Variants in ANAPC5 observed in about 807,000 individuals in gnomAD.
ANAPC5 encodes the protein anaphase-promoting complex subunit 5.
In ANAPC5, 60 loss-of-function variants were observed where a neutral mutation model predicts 91.3. The ratio of observed to expected loss-of-function variants is 0.66; its 90% CI spans 0.53 to 0.81. The LOEUF (loss-of-function observed/expected upper bound fraction) is 0.81. Among genes scored for constraint, ANAPC5 ranks in the 40% least tolerant of loss-of-function variants. The pLI is 0.00. For synonymous variants in ANAPC5, 340 were observed against 364.1 expected, an observed-to-expected ratio of 0.93 and a Z score of 0.75; for missense variants, 690 against 931.5, an observed-to-expected ratio of 0.74 and a Z score of 3.37.
rs1383426321 is a variant in ANAPC5, at chr12:121,342,832, C to G, written c.591-763G>C. On this transcript the variant is annotated intron_variant, in intron 4 of 16. Coordinates refer to ENST00000261819, the MANE Select transcript of ANAPC5 (RefSeq NM_016237.5). The surrounding 1 kb of genome is among the most constrained non-coding windows in gnomAD (Gnocchi z 4.1). ...CAAGATCACGCCACTGCACTCCAGC[C>G]TGGCGGCAGAGCGAGACTTCATCTC... Among the ~76,000 whole-genome samples the G allele has an allele frequency of 6.6e-6, 1 of 152,250 alleles. No homozygotes were observed. The highest frequency in any genetic ancestry group is 2.4e-5 in the African/African-American group (1 of 41,546).
At chr12:121,347,482 T>C (rs1377070553) in intron 2 of ANAPC5, 22 of 289,026 alleles carry the variant, frequency 7.6e-5, no homozygotes, top group Middle Eastern at 1.1e-3. Flanking sequence ...ATACAAAAAA[T>C]TAGCCAGGTT....
chr12:121,323,384 G>C (rs1170680204), intron 11 of ANAPC5, among the ~76,000 whole-genome samples: 2 of 151,898 alleles, frequency 1.3e-5, no homozygotes, highest in African/African-American at 4.8e-5. Flanking sequence ...GAGTGTAGTG[G>C]TGCAATCTCA....
At position 121,346,945 on chromosome 12, in the gene ANAPC5, T is replaced by A; in HGVS notation, c.348A>T (p.Ser116=). The A allele has an allele frequency of 6.2e-7, 1 of 1,612,518 alleles. No individual in the cohort carries two copies. The highest frequency in any genetic ancestry group is 8.5e-7 in the Non-Finnish European group (1 of 1,179,644). The change falls in exon 3 of 17, where the codon TCA becomes TCT. Residue 116 remains serine, a synonymous_variant. Coordinates refer to ENST00000261819, the MANE Select transcript of ANAPC5 (RefSeq NM_016237.5). ...KDMEQFFDDL[S]DSFSGTEPEV... ...CTGGTTCAGTTCCAGAGAAAGAATC[T>A]GAAAGGTCATCAAAAAACTGTTCCA...
Position 121,342,055 on chromosome 12 carries a change from G to C in ANAPC5, c.605C>G (p.Ser202Cys). 1 of 1,608,678 alleles carries C rather than the reference G, an allele frequency of 6.2e-7. No homozygotes were observed. The highest frequency in any genetic ancestry group is 1.7e-4 in the Middle Eastern group (1 of 6,052). Residue 202 changes from serine (S) to cysteine (C), a missense_variant, in exon 5 of 17, where the codon TCT (serine) becomes TGT (cysteine). Around this residue, in one of 5 missense-constraint regions of ANAPC5, gnomAD observed 238 missense variants for 264.9 expected, o/e 0.90. Coordinates refer to ENST00000261819, the MANE Select transcript of ANAPC5 (RefSeq NM_016237.5). This position sits in a 1 kb window ranked among gnomAD's most constrained non-coding sequence, Gnocchi z 4.1. ...TTTTTGGGACAGAGGCCCACTGCAA[G>C]ATACCTCCTCTTCTCTGGAAAAAAT... The part of the protein sequence containing the change: ...LDVSVREEEV[S>C]CSGPLSQKQA...
At position 121,331,433 on chromosome 12, in the gene ANAPC5, T is replaced by G; in HGVS notation, c.951-5A>C. 6.2e-7 allele frequency: 1 copy of G among 1,605,864 alleles called. No individual in the cohort carries two copies. Among genetic ancestry groups the G allele is most frequent in the South Asian group, 1.1e-5 (1 of 90,910 alleles). ...AGGGCGAGCTCTGCCTGTTGACTAATGACAGACTAAACATTAATATCCCAT... is the reference window on the plus strand; with the variant it reads ...AGGGCGAGCTCTGCCTGTTGACTAAGGACAGACTAAACATTAATATCCCAT... On this transcript the variant is annotated splice_polypyrimidine_tract_variant and splice_region_variant and intron_variant, in intron 7 of 16. Coordinates refer to ENST00000261819, the MANE Select transcript of ANAPC5 (RefSeq NM_016237.5).
chr12:121,343,113 A>G (rs1903524707), intron 4 of ANAPC5, among the ~76,000 whole-genome samples: 1 of 152,206 alleles, frequency 6.6e-6, no homozygotes, highest in Admixed American at 6.5e-5. Context: ...TGGATTATAC[A>G]TAAATGACTT....
At chr12:121,313,961 C>T (rs1902260533) in intron 15 of ANAPC5, among the ~76,000 whole-genome samples, 1 of 152,190 alleles carries the variant, frequency 6.6e-6, no homozygotes, top group Non-Finnish European at 1.5e-5. Flanking sequence ...GATCAACATC[C>T]TTTATGAATA....
At chr12:121,322,762 C>T (rs1902668811) in intron 11 of ANAPC5, among the ~76,000 whole-genome samples, 1 of 152,152 alleles carries the variant, frequency 6.6e-6, no homozygotes, top group Non-Finnish European at 1.5e-5. Context: ...GTAGCTCACG[C>T]CTGTAATCCC....
At chr12:121,353,970 CA>C (rs1203855839), upstream of ANAPC5, among the ~76,000 whole-genome samples, 4 of 148,314 alleles carry the variant, frequency 2.7e-5, no homozygotes, top group African/African-American at 9.9e-5. Flanking sequence ...AGGCTTGTGC[CA>C]CCATGCATGG....
chr12:121,311,977 T>C (rs915521039), intron 15 of ANAPC5, among the ~76,000 whole-genome samples: 1 of 152,022 alleles, frequency 6.6e-6, no homozygotes, highest in African/African-American at 2.4e-5. Context: ...GGCCCTAACA[T>C]ATATATATAA....
intron 6 of ANAPC5, 102 bp downstream of exon 6, chr12:121,337,189 G>T: frequency 1.1e-6 from 1 of 918,470 alleles, no homozygotes; most frequent in Non-Finnish European, 1.7e-6. Context: ...CTGCACTCCA[G>T]CCTGGCAACA....
chr12:121,341,850 T>A (rs1488242300), intron 5 of ANAPC5, among the ~76,000 whole-genome samples, 153 bp downstream of exon 5: 1 of 152,086 alleles, frequency 6.6e-6, no homozygotes, highest in Non-Finnish European at 1.5e-5. Context: ...AAGTGCTTCG[T>A]TAGTGAGGCA....
At chr12:121,350,419 T>C (rs2668260) in intron 1 of ANAPC5, among the ~76,000 whole-genome samples, 109,600 of 151,854 alleles carry the variant, frequency 0.72, 44,060 homozygotes, top group Non-Finnish European at 0.9. Flanking sequence ...CGGTGGCTCA[T>C]GCCTGTAATC....
Position 121,328,298 on chromosome 12 carries a change from G to T in ANAPC5, c.1304+18C>A, listed in dbSNP as rs782126050. ...TCTCTCTAAAGAATTCACACCCCCA[G>T]GGCCTTGGGAGACCTACCTGCGGCC... is the stretch of plus-strand genomic sequence containing the variant. On this transcript the variant is annotated intron_variant, in intron 10 of 16. Transcript: ENST00000261819. 3.7e-6 allele frequency: 6 copies of T among 1,612,428 alleles called. No homozygotes were observed. Among genetic ancestry groups the T allele is most frequent in the Non-Finnish European group, 5.1e-6 (6 of 1,179,488 alleles).
At chr12:121,336,392 T>G (rs782635394) in intron 6 of ANAPC5, among the ~76,000 whole-genome samples, 1 of 152,116 alleles carries the variant, frequency 6.6e-6, no homozygotes, top group African/African-American at 2.4e-5. Context: ...AAAACTGTCA[T>G]TTAGGCTGGG....
chr12:121,352,027 G>A (rs781862569), intron 1 of ANAPC5, 107 bp downstream of exon 1: 279 of 1,007,430 alleles, frequency 2.8e-4, no homozygotes, highest in Non-Finnish European at 3.7e-4. Flanking sequence ...CCTCCAGGCA[G>A]GGAGAGTATC....
At chr12:121,344,759 C>T (rs1180641958) in intron 4 of ANAPC5, among the ~76,000 whole-genome samples, 1 of 151,868 alleles carries the variant, frequency 6.6e-6, no homozygotes, top group African/African-American at 2.4e-5. Context: ...TTGGAGTAGT[C>T]AAGAAACTGA....
intron 12 of ANAPC5, among the ~76,000 whole-genome samples, chr12:121,320,128 C>T (rs1306382913): frequency 6.6e-6 from 1 of 152,098 alleles, no homozygotes; most frequent in East Asian, 1.9e-4. Context: ...TCAAAGTAGG[C>T]ACTCAATTTG....
At chr12:121,351,207 C>T (rs782028408) in intron 1 of ANAPC5, 7 of 364,974 alleles carry the variant, frequency 1.9e-5, no homozygotes, top group South Asian at 1.4e-4. Flanking sequence ...CCCGTCTCTA[C>T]AAAAAATGCA....
Sources: gnomAD v4.1 joint callset for allele counts (sites outside exome capture counted in the v4.1 genomes callset) on GRCh38, gnomAD v4.1.1 for gene constraint, gnomAD v4.1.1 regional missense constraint, Gnocchi (gnomAD v3.1) non-coding constraint, MANE v1.5 for transcripts, NCBI Gene and HGNC (gene_info 2026-07-23, HGNC 2026-07-21) for gene names.